HSD11B1: variants seen among roughly 807,000 people sequenced by gnomAD.
The protein encoded by HSD11B1 is 11-beta-hydroxysteroid dehydrogenase 1.
HSD11B1 carries 15 observed loss-of-function variants against 22.1 expected under a neutral mutation model. The observed-to-expected ratio is 0.68, with a 90% confidence interval of 0.45 to 1.04. HSD11B1 has a LOEUF of 1.04. Among genes scored for constraint, HSD11B1 ranks in the 50% least tolerant of loss-of-function variants. The pLI, the probability that HSD11B1 is intolerant of heterozygous loss-of-function variation, is 0.00. For synonymous variants in HSD11B1, 122 were observed against 125.2 expected (o/e 0.97, Z 0.17); for missense variants, 281 against 357.6 (o/e 0.79, Z 1.73).
chr1:209,705,795 T>G lies in HSD11B1; in HGVS notation c.89-16T>G, dbSNP rs1427127888. 1 of 1,612,982 alleles carries G rather than the reference T, an allele frequency of 6.2e-7. No individual in the cohort carries two copies. The highest frequency in any genetic ancestry group is 1.3e-5 in the African/African-American group (1 of 74,878). On this transcript the variant is annotated splice_polypyrimidine_tract_variant and intron_variant, in intron 1 of 5. Coordinates refer to ENST00000367027, the MANE Select transcript of HSD11B1 (RefSeq NM_005525.4). ...CAACTTGGGTATGGTCCTCACTTCC[T>G]TTTGGGGTTCCCCAGAGATGCTCCA...
At chr1:209,700,040 G>C (rs1007680919), upstream of HSD11B1, among the ~76,000 whole-genome samples, 1 of 152,216 alleles carries the variant, frequency 6.6e-6, no homozygotes, top group Admixed American at 6.5e-5. Context: ...TCATGGGCTG[G>C]TATTGAGTGT....
At chr1:209,711,097 G>T (rs2076892086) in intron 4 of HSD11B1, among the ~76,000 whole-genome samples, 1 of 152,172 alleles carries the variant, frequency 6.6e-6, no homozygotes, top group Non-Finnish European at 1.5e-5. Flanking sequence ...GTCAGTGGAG[G>T]TCTGCCTGTG....
At chr1:209,724,187 T>C (rs375055424) in intron 4 of HSD11B1, 4 of 152,358 alleles carry the variant, frequency 2.6e-5, no homozygotes, top group African/African-American at 7.2e-5. Context: ...ATTTGGGCTA[T>C]GCAATGGCTT....
chr1:209,717,968 T>C (rs2076940621), intron 4 of HSD11B1, among the ~76,000 whole-genome samples: 1 of 151,446 alleles, frequency 6.6e-6, no homozygotes, highest in Non-Finnish European at 1.5e-5. Flanking sequence ...AAAGTCATTA[T>C]GCTAAATGAA....
chr1:209,698,402 C>G (rs2076806219), intron 1 of HSD11B1, among the ~76,000 whole-genome samples: 1 of 152,200 alleles, frequency 6.6e-6, no homozygotes, highest in Non-Finnish European at 1.5e-5. Flanking sequence ...GCTGACATCC[C>G]TGGAACCTTG....
At chr1:209,719,748 T>C (rs923791835) in intron 4 of HSD11B1, among the ~76,000 whole-genome samples, 3 of 152,200 alleles carry the variant, frequency 2.0e-5, no homozygotes, top group Non-Finnish European at 4.4e-5. Flanking sequence ...TTTTTATGGC[T>C]TCATAGTATT....
In HSD11B1 at chr1:209,719,569, T is replaced by C. The variant is rs538185025; in HGVS notation, c.517+12441T>C. Among the ~76,000 whole-genome samples the C allele has an allele frequency of 2.0e-5, 3 of 152,260 alleles. No individual in the cohort carries two copies. In the South Asian group the frequency reaches 6.2e-4, roughly 32 times the overall value. On this transcript the variant is annotated intron_variant, in intron 4 of 5. Transcript: ENST00000367027. ...CCCGAACTGTCCGCTTAAAAATGGTTAAGATAGGCCCCGGCGTGTGATGTT... is the reference window on the plus strand; with the variant it reads ...CCCGAACTGTCCGCTTAAAAATGGTCAAGATAGGCCCCGGCGTGTGATGTT...
chr1:209,703,570 T>G (rs1240913490), upstream of HSD11B1, among the ~76,000 whole-genome samples: 1 of 152,224 alleles, frequency 6.6e-6, no homozygotes, highest in Non-Finnish European at 1.5e-5. Flanking sequence ...GGGCCTTTGT[T>G]GACAAATTGT....
intron 4 of HSD11B1, among the ~76,000 whole-genome samples, chr1:209,712,428 C>T (rs1010275039): frequency 6.6e-6 from 1 of 152,076 alleles, no homozygotes; most frequent in Non-Finnish European, 1.5e-5. Context: ...GTTGAATTCA[C>T]AGAAATGATA....
chr1:209,704,742 C>A, upstream of HSD11B1: 1 of 573,420 alleles, frequency 1.7e-6, no homozygotes, highest in East Asian at 2.9e-5. Context: ...ACCACACAGG[C>A]TGCCAGGGAC....
chr1:209,728,835 C>A (rs775940397), intron 4 of HSD11B1, among the ~76,000 whole-genome samples: 1 of 152,206 alleles, frequency 6.6e-6, no homozygotes, highest in Non-Finnish European at 1.5e-5. Context: ...GACACTCCAA[C>A]AAAATTTTCT....
chr1:209,729,457 C>T (rs939621493), intron 4 of HSD11B1, among the ~76,000 whole-genome samples: 10 of 151,902 alleles, frequency 6.6e-5, no homozygotes, highest in Admixed American at 5.3e-4. Flanking sequence ...AGTATGGCAG[C>T]TCCATGGTCA....
At position 209,732,476 on chromosome 1, in the gene HSD11B1, C is replaced by G. The variant is rs373059310; in HGVS notation, c.558C>G (p.Ser186Arg). ...CAATGGTTGCTGCCTATTCTGCAAGCAAGTTTGCTTTGGATGGGTTCTTCT... is the reference window on the plus strand; with the variant it reads ...CAATGGTTGCTGCCTATTCTGCAAGGAAGTTTGCTTTGGATGGGTTCTTCT... ...AYPMVAAYSA[S>R]KFALDGFFSS... Residue 186 changes from serine to arginine, a missense_variant, in exon 5 of 6, where the codon AGC (serine) becomes AGG (arginine). Ser to Arg is a moderately radical substitution (Grantham distance 110, BLOSUM62 -1). Transcript: ENST00000367027. 1 of 1,613,982 alleles carries G rather than the reference C, an allele frequency of 6.2e-7. No homozygotes were observed. Among genetic ancestry groups the G allele is most frequent in the Non-Finnish European group, 8.5e-7 (1 of 1,179,974 alleles).
rs200635241 is a variant in HSD11B1 at position 209,706,972 on chromosome 1, A to G, written c.361A>G (p.Ile121Val). ...GGLDMLILNHITNTSLNLFHD... is the reference protein window; with the variant it reads ...GGLDMLILNHVTNTSLNLFHD... ...ACTAGACATGCTCATTCTCAACCACATCACCAACACTTCTTTGAATCTTTT... is the reference window on the plus strand; with the variant it reads ...ACTAGACATGCTCATTCTCAACCACGTCACCAACACTTCTTTGAATCTTTT... Residue 121 changes from isoleucine to valine, a missense_variant, in exon 4 of 6, where the codon ATC becomes GTC. Physicochemically the swap from Ile to Val is conservative, Grantham distance 29. Coordinates refer to ENST00000367027, the MANE Select transcript of HSD11B1 (RefSeq NM_005525.4). This position sits in a 1 kb window ranked among gnomAD's most constrained non-coding sequence, Gnocchi z 4.0. 12 of 1,614,028 alleles carry G rather than the reference A, an allele frequency of 7.4e-6. No homozygotes were observed. The highest frequency in any genetic ancestry group is 9.3e-6 in the Non-Finnish European group (11 of 1,179,982).
intron 4 of HSD11B1, among the ~76,000 whole-genome samples, chr1:209,709,042 T>C (rs1367471796): frequency 1.3e-5 from 2 of 152,220 alleles, no homozygotes; most frequent in Non-Finnish European, 2.9e-5. Flanking sequence ...ATGTATTCTT[T>C]TAATCAGTCA....
intron 1 of HSD11B1, among the ~76,000 whole-genome samples, chr1:209,691,886 T>G (rs984011201): frequency 3.9e-5 from 6 of 152,074 alleles, no homozygotes; most frequent in African/African-American, 1.4e-4. Flanking sequence ...AAGCACATCG[T>G]TTACAAATGT....
At chr1:209,711,582 G>C (rs769893258) in intron 4 of HSD11B1, among the ~76,000 whole-genome samples, 2 of 152,158 alleles carry the variant, frequency 1.3e-5, no homozygotes, top group African/African-American at 2.4e-5. Flanking sequence ...GGGTTGAGCT[G>C]TGTGTTGGGG....
At chr1:209,725,627 A>C (rs2102395244) in intron 4 of HSD11B1, among the ~76,000 whole-genome samples, 1 of 152,266 alleles carries the variant, frequency 6.6e-6, no homozygotes, top group South Asian at 2.1e-4. Flanking sequence ...CATTTCTTTC[A>C]GGAGTTCCTA....
intron 1 of HSD11B1, among the ~76,000 whole-genome samples, chr1:209,705,601 G>A (rs560237919): frequency 1.1e-4 from 17 of 152,234 alleles, no homozygotes; most frequent in Admixed American, 1.1e-3. Flanking sequence ...ATGACAGTAG[G>A]GAGGCTGTCA....
Sources: gnomAD v4.1 joint callset for allele counts (sites outside exome capture counted in the v4.1 genomes callset) on GRCh38, gnomAD v4.1.1 for gene constraint, Gnocchi (gnomAD v3.1) non-coding constraint, MANE v1.5 for transcripts, NCBI Gene and HGNC (gene_info 2026-07-23, HGNC 2026-07-21) for gene names.